The following THSD7B variants were observed in gnomAD, a reference collection of about 807,000 sequenced individuals.
THSD7B encodes the protein thrombospondin type 1 domain containing 7B.
Under a neutral mutation model 213.6 loss-of-function variants are expected in THSD7B, and 138 were observed. That is an observed-to-expected ratio of 0.65 (90% CI 0.56 to 0.74). The LOEUF (loss-of-function observed/expected upper bound fraction) is 0.74, where lower values mean the gene tolerates loss of function less well. Among genes scored for constraint, THSD7B ranks in the 30% least tolerant of loss-of-function variants. THSD7B has a pLI of 0.00. For missense variants in THSD7B, 1,931 were observed against 1,991.5 expected (o/e 0.97, Z 0.58); for synonymous variants, 742 against 687.0 (o/e 1.08, Z -1.25).
chr2:137,637,397 TCAGGTCCAGTAATTTTCTCTTA>T (rs1301515670), intron 20 of THSD7B, among the ~76,000 whole-genome samples: 3 of 152,192 alleles, frequency 2.0e-5, no homozygotes, highest in African/African-American at 7.2e-5. Context: ...AACAGAAGCA[TCAGGTCCAGTAATTTTCTCTTA>T]CACTTGCATG....
At chr2:137,613,427 T>C (rs1573743442) in intron 17 of THSD7B, among the ~76,000 whole-genome samples, 1 of 152,160 alleles carries the variant, frequency 6.6e-6, no homozygotes, top group Admixed American at 6.6e-5. Flanking sequence ...AAGGCTTTGC[T>C]TCTAGAGATA....
intron 4 of THSD7B, among the ~76,000 whole-genome samples, chr2:137,099,060 A>G (rs1455927561): frequency 6.6e-6 from 1 of 152,172 alleles, no homozygotes; most frequent in Non-Finnish European, 1.5e-5. Context: ...TTGTAATTTT[A>G]TGGACCTCCC....
At chr2:137,362,968 T>C (rs1008581347) in intron 12 of THSD7B, among the ~76,000 whole-genome samples, 2 of 152,186 alleles carry the variant, frequency 1.3e-5, no homozygotes, top group East Asian at 1.9e-4. Flanking sequence ...TATTCCAAAA[T>C]TGACCACATA....
At chr2:137,152,006 ATT>A (rs201462563) in intron 5 of THSD7B, among the ~76,000 whole-genome samples, 5,426 of 137,536 alleles carry the variant, frequency 0.039, 173 homozygotes, top group East Asian at 0.26. Context: ...AGCTACCTTA[ATT>A]TTTTTTTTTT....
chr2:137,271,442 T>C (rs867333580), intron 10 of THSD7B, among the ~76,000 whole-genome samples: 4 of 129,288 alleles, frequency 3.1e-5, no homozygotes, highest in Non-Finnish European at 4.8e-5. Context: ...ATATATAATA[T>C]AATATATAAT....
chr2:137,233,125 G>C lies in THSD7B; in HGVS notation c.2142G>C (p.Met714Ile). ...FCVKSHVGQV[M>I]TKRCPDSTRP... is the part of the protein sequence containing the mutation. Reference sequence around the variant, plus strand: ...TCAAGAGTCACGTGGGACAAGTAATGACCAAAAGGTATTTATTAGGCTGTT... The same window carrying C: ...TCAAGAGTCACGTGGGACAAGTAATCACCAAAAGGTATTTATTAGGCTGTT... Residue 714 changes from methionine (M) to isoleucine (I), a missense_variant, in exon 9 of 28, where the codon ATG becomes ATC. Physicochemically the swap from Met to Ile is conservative, Grantham distance 10 (BLOSUM62 1). Coordinates refer to ENST00000409968, the MANE Select transcript of THSD7B (RefSeq NM_001316349.2). 4 of 1,612,768 alleles carry C rather than the reference G, an allele frequency of 2.5e-6. No homozygotes were observed. The highest frequency in any genetic ancestry group is 3.4e-6 in the Non-Finnish European group (4 of 1,179,298).
chr2:137,382,619 C>A lies in THSD7B; in HGVS notation c.2501-22994C>A, dbSNP rs116943129. Among the ~76,000 whole-genome samples the A allele has an allele frequency of 3.5e-4, 53 of 152,342 alleles. No homozygotes were observed. The East Asian group carries it at 8.9e-3, about 26-fold the overall frequency. ...CTGCAGTCATCATGCAGATGACTTA[C>A]CCGATAGTGGGATGGGTGCATTCAT... On this transcript the variant is annotated intron_variant, in intron 12 of 27. Coordinates refer to ENST00000409968, the MANE Select transcript of THSD7B (RefSeq NM_001316349.2).
intron 2 of THSD7B, among the ~76,000 whole-genome samples, chr2:137,020,437 C>T (rs530834399): frequency 6.6e-6 from 1 of 152,276 alleles, no homozygotes; most frequent in South Asian, 2.1e-4. Flanking sequence ...TGCTTATTTT[C>T]TCCTAGCCTG....
intron 15 of THSD7B, among the ~76,000 whole-genome samples, chr2:137,466,188 C>T (rs1163955317): frequency 2.0e-5 from 3 of 152,030 alleles, no homozygotes; most frequent in African/African-American, 7.2e-5. Context: ...GAAGTGGTAA[C>T]AATAAAATGG....
At chr2:136,885,708 G>A (rs1034164728) in intron 2 of THSD7B, among the ~76,000 whole-genome samples, 1 of 152,160 alleles carries the variant, frequency 6.6e-6, no homozygotes, top group African/African-American at 2.4e-5. Context: ...CTTATTTCTA[G>A]TAATACTTAT....
At chr2:137,301,668 C>A (rs934623902) in intron 12 of THSD7B, among the ~76,000 whole-genome samples, 17 of 151,922 alleles carry the variant, frequency 1.1e-4, no homozygotes, top group Admixed American at 1.0e-3. Flanking sequence ...AACATTTGAG[C>A]AAACACTAGA....
chr2:136,910,560 T>C lies in THSD7B; in HGVS notation c.139+28243T>C, dbSNP rs574211600. On this transcript the variant is annotated intron_variant, in intron 2 of 27. Coordinates refer to ENST00000409968, the MANE Select transcript of THSD7B (RefSeq NM_001316349.2). The stretch of plus-strand genomic sequence containing the variant: ...ATAACTTAAGTAGCCGAAAAATTGA[T>C]GGTCCTGAGGTGTTAGTGAATGTTA... Among the ~76,000 whole-genome samples, 4 of 152,336 alleles carry C rather than the reference T, an allele frequency of 2.6e-5. No homozygotes were observed. In the South Asian group the frequency reaches 8.3e-4, roughly 32 times the overall value.
At chr2:137,516,918 C>A (rs1355145383) in intron 15 of THSD7B, among the ~76,000 whole-genome samples, 1 of 152,212 alleles carries the variant, frequency 6.6e-6, no homozygotes, top group Non-Finnish European at 1.5e-5. Context: ...GTGATTCCCA[C>A]CACATCCCTG....
chr2:136,991,078 G>T (rs1039106687), intron 2 of THSD7B: 1 of 611,386 alleles, frequency 1.6e-6, no homozygotes. Flanking sequence ...GACAAATGAA[G>T]TTCAATAGAA....
chr2:137,207,455 C>G (rs1323624186), intron 7 of THSD7B, among the ~76,000 whole-genome samples: 1 of 152,040 alleles, frequency 6.6e-6, no homozygotes, highest in African/African-American at 2.4e-5. Context: ...GGATATGAGG[C>G]AACAGGTGGC....
chr2:137,546,436 T>A (rs190970379), intron 15 of THSD7B, among the ~76,000 whole-genome samples: 1,087 of 20,276 alleles, frequency 0.054, 210 homozygotes, highest in African/African-American at 0.22. Context: ...ATATATATAT[T>A]ATATATATTA....
In THSD7B at chr2:137,603,435, G is replaced by T. The variant is rs1682112865; in HGVS notation, c.3424-12740G>T. Among the ~76,000 whole-genome samples, 4 of 152,126 alleles carry T rather than the reference G, an allele frequency of 2.6e-5. No homozygotes were observed. In the South Asian group the frequency reaches 8.3e-4, roughly 32 times the overall value. On this transcript the variant is annotated intron_variant, in intron 17 of 27. Transcript: ENST00000409968. ...TCTAAATCTTTAACTTTCTTTGTAG[G>T]ATGGTTTTGACATTGGAACACCCAG...
At chr2:137,132,309 A>G (rs1247559661) in intron 5 of THSD7B, among the ~76,000 whole-genome samples, 1 of 151,536 alleles carries the variant, frequency 6.6e-6, no homozygotes, top group Non-Finnish European at 1.5e-5. Context: ...CTAGATATAC[A>G]ATCATGTCGT....
At chr2:137,333,850 C>T (rs981754364) in intron 12 of THSD7B, among the ~76,000 whole-genome samples, 1 of 152,140 alleles carries the variant, frequency 6.6e-6, no homozygotes, top group Non-Finnish European at 1.5e-5. Flanking sequence ...AGGAAATGCT[C>T]TATGATGATG....
Sources: allele counts gnomAD v4.1 joint callset (sites outside exome capture counted in the v4.1 genomes callset), GRCh38; gene constraint gnomAD v4.1.1; transcripts MANE v1.5; gene names NCBI Gene and HGNC (gene_info 2026-07-23, HGNC 2026-07-21).